Variants in SPOCK1 observed in about 807,000 individuals in gnomAD.
The protein encoded by SPOCK1 is SPARC (osteonectin), cwcv and kazal like domains proteoglycan 1.
SPOCK1 carries 23 observed loss-of-function variants against 55.3 expected under a neutral mutation model. The observed-to-expected ratio is 0.42, with a 90% CI of 0.30 to 0.59. The LOEUF (loss-of-function observed/expected upper bound fraction) is 0.59, where lower values mean the gene tolerates loss of function less well. Ranked by LOEUF, SPOCK1 falls within the 20% of genes least tolerant of loss-of-function variation. SPOCK1 has a pLI of 0.22. For missense variants in SPOCK1, 499 were observed against 552.5 expected, an observed-to-expected ratio of 0.90 and a Z score of 0.97; for synonymous variants, 226 against 221.0, an observed-to-expected ratio of 1.02 and a Z score of -0.20.
intron 3 of SPOCK1, among the ~76,000 whole-genome samples, chr5:137,166,945 C>T (rs1053677644): frequency 1.3e-4 from 20 of 151,822 alleles, no homozygotes; most frequent in Non-Finnish European, 2.4e-4. Context: ...AATAGCAAAA[C>T]GGCAAGAGGA....
chr5:137,192,453 G>A (rs1755201433), intron 3 of SPOCK1, among the ~76,000 whole-genome samples: 1 of 152,070 alleles, frequency 6.6e-6, no homozygotes, highest in Admixed American at 6.5e-5. Context: ...ACTGCTAGGT[G>A]GGAATAAGGA....
rs139988622 is a variant in SPOCK1 at position 137,447,243 on chromosome 5, C to T, written c.186+51130G>A. Among the ~76,000 whole-genome samples, 651 of 152,248 alleles carry T rather than the reference C, an allele frequency of 4.3e-3. 4 individuals are homozygous for T. Among genetic ancestry groups the T allele is most frequent in the Non-Finnish European group, 5.3e-3 (363 of 68,000 alleles). On this transcript the variant is annotated intron_variant, in intron 2 of 10. Transcript: ENST00000394945. ...TAAATTATTGCTCCTTCTTGCCTAACGTGGAGAAAAGGAGGGCAACAGCTG... is the reference window on the plus strand; with the variant it reads ...TAAATTATTGCTCCTTCTTGCCTAATGTGGAGAAAAGGAGGGCAACAGCTG...
At chr5:137,381,146 C>T (rs1361280211) in intron 2 of SPOCK1, among the ~76,000 whole-genome samples, 2 of 152,150 alleles carry the variant, frequency 1.3e-5, no homozygotes, top group South Asian at 4.1e-4. Context: ...CATCTTAAAG[C>T]TCCAAAATAA....
At chr5:137,060,506 T>C (rs777890337) in intron 6 of SPOCK1, among the ~76,000 whole-genome samples, 1 of 152,180 alleles carries the variant, frequency 6.6e-6, no homozygotes, top group Non-Finnish European at 1.5e-5. Flanking sequence ...GTATGCTTAT[T>C]ATCTGGGAAA....
intron 3 of SPOCK1, among the ~76,000 whole-genome samples, chr5:137,142,163 C>T (rs1245656098): frequency 6.6e-6 from 1 of 152,180 alleles, no homozygotes; most frequent in African/African-American, 2.4e-5. Flanking sequence ...AACAAATTGG[C>T]ATCCTGAGCA....
chr5:137,244,076 A>G (rs1254444891), intron 3 of SPOCK1, among the ~76,000 whole-genome samples: 2 of 152,242 alleles, frequency 1.3e-5, no homozygotes, highest in Non-Finnish European at 2.9e-5. Flanking sequence ...GATGAAAGAT[A>G]TAACTCTAAT....
intron 3 of SPOCK1, among the ~76,000 whole-genome samples, chr5:137,188,467 G>T (rs1755115118): frequency 6.6e-6 from 1 of 152,012 alleles, no homozygotes; most frequent in Admixed American, 6.6e-5. Flanking sequence ...GTATTAGGGT[G>T]CTCTGTGATC....
intron 4 of SPOCK1, among the ~76,000 whole-genome samples, chr5:137,117,374 T>C (rs1480548211): frequency 1.3e-5 from 2 of 152,244 alleles, no homozygotes; most frequent in African/African-American, 4.8e-5. Flanking sequence ...TAGTTAACCA[T>C]GACATTGTTT....
At chr5:136,994,368 G>A (rs1474686940) in intron 6 of SPOCK1, among the ~76,000 whole-genome samples, 1 of 152,140 alleles carries the variant, frequency 6.6e-6, no homozygotes, top group Non-Finnish European at 1.5e-5. Flanking sequence ...TCCCAGCTTT[G>A]CCACTCACTG....
chr5:137,294,004 A>C (rs1299128179), intron 2 of SPOCK1, among the ~76,000 whole-genome samples: 1 of 152,092 alleles, frequency 6.6e-6, no homozygotes, highest in Non-Finnish European at 1.5e-5. Flanking sequence ...ACAGAGCGAC[A>C]CTCCATCTCA....
intron 2 of SPOCK1, among the ~76,000 whole-genome samples, chr5:137,474,332 A>C (rs1482753082): frequency 6.6e-6 from 1 of 152,228 alleles, no homozygotes; most frequent in African/African-American, 2.4e-5. Context: ...TACAATAAAT[A>C]AGTAAATGTA....
chr5:137,019,434 T>C (rs1409503814), intron 6 of SPOCK1, among the ~76,000 whole-genome samples: 2 of 152,148 alleles, frequency 1.3e-5, no homozygotes, highest in Non-Finnish European at 2.9e-5. Context: ...TGTATTCCTA[T>C]ACTATCACAT....
chr5:137,135,385 C>T (rs559867912), intron 4 of SPOCK1, among the ~76,000 whole-genome samples: 11 of 152,334 alleles, frequency 7.2e-5, no homozygotes, highest in Admixed American at 5.9e-4. Flanking sequence ...TCCCTGAGGG[C>T]AGAGCCCTCT....
At position 137,267,207 on chromosome 5, in the gene SPOCK1, T is replaced by A. The variant is rs368827889; in HGVS notation, c.187-152A>T. 21 of 625,978 alleles carry A rather than the reference T, an allele frequency of 3.4e-5. No homozygotes were observed. The African/African-American group carries it at 3.5e-4, about 10-fold the overall frequency. The allele number at this position is 625,978 out of a possible 1,614,324, so 38.8% of individuals were successfully genotyped here. ...TCCCAAAACAGGCATTAATGTGTAA[T>A]AAAAAAATATCAATTTCCTTTTCAA... On this transcript the variant is annotated intron_variant, in intron 2 of 10. Coordinates refer to ENST00000394945, the MANE Select transcript of SPOCK1 (RefSeq NM_004598.4).
intron 2 of SPOCK1, among the ~76,000 whole-genome samples, chr5:137,334,513 C>T (rs1002955016): frequency 6.6e-6 from 1 of 152,174 alleles, no homozygotes; most frequent in Non-Finnish European, 1.5e-5. Flanking sequence ...GGTCGCAGAA[C>T]GCGTTCCCTG....
intron 6 of SPOCK1, among the ~76,000 whole-genome samples, chr5:137,040,234 G>A (rs1442633657): frequency 6.6e-6 from 1 of 152,252 alleles, no homozygotes; most frequent in African/African-American, 2.4e-5. Flanking sequence ...AATCCGAAGA[G>A]GTGGGAAGGA....
intron 2 of SPOCK1, among the ~76,000 whole-genome samples, chr5:137,382,699 A>T (rs1742192496): frequency 6.6e-6 from 1 of 152,208 alleles, no homozygotes; most frequent in South Asian, 2.1e-4. Flanking sequence ...TCATGAGAAC[A>T]GCATGGGGGA....
intron 3 of SPOCK1, among the ~76,000 whole-genome samples, chr5:137,260,253 A>G (rs780110048): frequency 6.6e-6 from 1 of 152,236 alleles, no homozygotes; most frequent in Non-Finnish European, 1.5e-5. Context: ...AAAAATACTA[A>G]GAAAAAGCAG....
chr5:137,178,005 C>T (rs1754889907), intron 3 of SPOCK1, among the ~76,000 whole-genome samples: 1 of 152,130 alleles, frequency 6.6e-6, no homozygotes, highest in Admixed American at 6.5e-5. Context: ...GTGCCTGACA[C>T]CGGCTTCCTT....
Sources: allele counts gnomAD v4.1 joint callset (sites outside exome capture counted in the v4.1 genomes callset), GRCh38; gene constraint gnomAD v4.1.1; transcripts MANE v1.5; gene names NCBI Gene and HGNC (gene_info 2026-07-23, HGNC 2026-07-21).